The following ARHGEF3 variants were observed in gnomAD, a reference collection of about 807,000 sequenced individuals.
The protein encoded by ARHGEF3 is Rho guanine nucleotide exchange factor 3, also known as 59.8 kDA protein.
Under a neutral mutation model 63.2 loss-of-function variants are expected in ARHGEF3, and 28 were observed. The ratio of observed to expected loss-of-function variants is 0.44; its 90% CI spans 0.33 to 0.61. The LOEUF is 0.61. ARHGEF3 is among the 20% of genes least tolerant of loss of function. The pLI is 0.03. For synonymous variants in ARHGEF3, 266 were observed against 254.2 expected (o/e 1.05, Z -0.44); for missense variants, 533 against 659.3 (o/e 0.81, Z 2.10).
intron 4 of ARHGEF3, among the ~76,000 whole-genome samples, chr3:56,833,064 T>C (rs1468766484): frequency 6.6e-6 from 1 of 152,230 alleles, no homozygotes; most frequent in Non-Finnish European, 1.5e-5. Flanking sequence ...CATGTGCAAA[T>C]ACCTGTTTGA....
rs1271266679 is a variant in ARHGEF3, at chr3:56,737,177, C to G, written c.1041+8G>C. ...GGATAAGACTGCTTAAAGGGAGTAA[C>G]TACTTACCACGCCCCGATTGTTCTT... On this transcript the variant is annotated splice_region_variant and intron_variant, in intron 8 of 9. Coordinates refer to ENST00000296315, the MANE Select transcript of ARHGEF3 (RefSeq NM_019555.3). 4 of 1,611,556 alleles carry G rather than the reference C, an allele frequency of 2.5e-6. No individual in the cohort carries two copies. Among genetic ancestry groups the G allele is most frequent in the Non-Finnish European group, 3.4e-6 (4 of 1,178,512 alleles).
intron 1 of ARHGEF3, chr3:57,060,376 C>T (rs182337477): frequency 4.6e-5 from 7 of 151,930 alleles, no homozygotes; most frequent in East Asian, 1.9e-4. Context: ...TGCTGCTACT[C>T]GGGTTATCAA....
chr3:57,026,934 A>G (rs1326025895), intron 2 of ARHGEF3, among the ~76,000 whole-genome samples: 4 of 152,198 alleles, frequency 2.6e-5, no homozygotes, highest in African/African-American at 9.6e-5. Flanking sequence ...AGCATGCCCG[A>G]AAGAGTGATT....
At chr3:56,858,509 C>T (rs7641104) in intron 4 of ARHGEF3, among the ~76,000 whole-genome samples, 148,685 of 152,292 alleles carry the variant, frequency 0.98, 72,682 homozygotes, top group East Asian at 1. Context: ...TTGACAATGG[C>T]AGTCCCTGTC....
At chr3:57,015,879 G>C (rs1169676490) in intron 2 of ARHGEF3, among the ~76,000 whole-genome samples, 1 of 152,052 alleles carries the variant, frequency 6.6e-6, no homozygotes, top group East Asian at 1.9e-4. Flanking sequence ...TCAGTGGTGA[G>C]ACAAGTCTTG....
Position 57,053,705 on chromosome 3 carries a change from T to C in ARHGEF3, c.-27-18529A>G, listed in dbSNP as rs934126382. 8.3e-4 allele frequency among the ~76,000 whole-genome samples: 126 copies of C among 152,224 alleles called. 1 individual carries two copies. The highest frequency in any genetic ancestry group is 3.7e-4 in the Non-Finnish European group (25 of 68,036). Reference sequence around the variant, plus strand: ...AGGTAACTGCTATCTTGACTTCTAGTGGCATGGATTCATTTGCCTGTGTCT... The same window carrying C: ...AGGTAACTGCTATCTTGACTTCTAGCGGCATGGATTCATTTGCCTGTGTCT... On this transcript the variant is annotated intron_variant, in intron 1 of 12. Coordinates refer to the ARHGEF3 transcript ENST00000338458.
chr3:56,740,359 T>A (rs1031323027), intron 7 of ARHGEF3, among the ~76,000 whole-genome samples: 1 of 152,084 alleles, frequency 6.6e-6, no homozygotes, highest in African/African-American at 2.4e-5. Flanking sequence ...TAATATTAAA[T>A]GTAAATCCTG....
chr3:56,912,520 C>A (rs1173602205), intron 3 of ARHGEF3, among the ~76,000 whole-genome samples: 1 of 152,152 alleles, frequency 6.6e-6, no homozygotes, highest in African/African-American at 2.4e-5. Context: ...GTGACCTAGA[C>A]AAATTATTTA....
chr3:56,954,688 A>G (rs1699963096), intron 3 of ARHGEF3, among the ~76,000 whole-genome samples: 1 of 152,178 alleles, frequency 6.6e-6, no homozygotes, highest in African/African-American at 2.4e-5. Flanking sequence ...CTGTCTCCTT[A>G]GACAAGCATG....
At chr3:56,927,275 T>C (rs753595523) in intron 3 of ARHGEF3, among the ~76,000 whole-genome samples, 14 of 152,158 alleles carry the variant, frequency 9.2e-5, no homozygotes, top group African/African-American at 1.4e-4. Flanking sequence ...TAAGTAACAA[T>C]TGCAGTTTCC....
rs575600692 is a variant in ARHGEF3, at chr3:56,815,151, A to AT, written c.193-41336dup. Among the ~76,000 whole-genome samples, 625 of 151,392 alleles carry AT rather than the reference A, an allele frequency of 4.1e-3. 7 individuals carry two copies. Among genetic ancestry groups the AT allele is most frequent in the African/African-American group, 0.014 (590 of 41,012 alleles). On this transcript the variant is annotated intron_variant, in intron 4 of 12. Coordinates refer to the ARHGEF3 transcript ENST00000338458. ...AGAGCGAGACCCCACCTCTAAAAAA[A>AT]TTAAAAAAAAAAAAAAAAGAAGACA...
At chr3:56,946,584 A>G (rs1005033037) in intron 3 of ARHGEF3, among the ~76,000 whole-genome samples, 1 of 152,344 alleles carries the variant, frequency 6.6e-6, no homozygotes, top group Admixed American at 6.5e-5. Context: ...AGAAAAAAGA[A>G]TAAAAAGAAA....
intron 2 of ARHGEF3, among the ~76,000 whole-genome samples, chr3:56,971,271 G>C (rs1219472466): frequency 6.6e-6 from 1 of 152,114 alleles, no homozygotes; most frequent in African/African-American, 2.4e-5. Context: ...CCATCTCATG[G>C]GGTCTTCTAA....
intron 4 of ARHGEF3, among the ~76,000 whole-genome samples, chr3:56,846,840 T>C (rs534839898): frequency 6.6e-6 from 1 of 152,318 alleles, no homozygotes; most frequent in South Asian, 2.1e-4. Context: ...CCCACAAGGA[T>C]AGACTGCTAT....
chr3:57,039,253 T>C (rs754545440), intron 1 of ARHGEF3, among the ~76,000 whole-genome samples: 14 of 152,278 alleles, frequency 9.2e-5, no homozygotes, highest in Non-Finnish European at 1.8e-4. Context: ...ACTGCGTCCA[T>C]TGGACAGAAG....
At chr3:56,904,616 G>C (rs1479050830) in intron 3 of ARHGEF3, among the ~76,000 whole-genome samples, 1 of 152,146 alleles carries the variant, frequency 6.6e-6, no homozygotes, top group Non-Finnish European at 1.5e-5. Context: ...CTAATGTTTG[G>C]CTGCACAGAA....
At chr3:56,968,630 A>G (rs1402079137) in intron 2 of ARHGEF3, among the ~76,000 whole-genome samples, 1 of 151,228 alleles carries the variant, frequency 6.6e-6, no homozygotes, top group Non-Finnish European at 1.5e-5. Flanking sequence ...TACCCAGCCT[A>G]TTAGTCACAT....
At chr3:56,802,022 T>C (rs2107971840), upstream of ARHGEF3, 1 of 1,423,052 alleles carries the variant, frequency 7.0e-7, no homozygotes, top group Non-Finnish European at 9.1e-7. Flanking sequence ...GGCCGCCGGC[T>C]CGGCACCGCC....
intron 1 of ARHGEF3, among the ~76,000 whole-genome samples, chr3:57,066,576 C>T (rs1334007235): frequency 6.6e-6 from 1 of 152,174 alleles, no homozygotes; most frequent in Non-Finnish European, 1.5e-5. Context: ...TGCCTTTTTC[C>T]TTTCTTCTGA....
Sources: gnomAD v4.1 joint callset for allele counts (sites outside exome capture counted in the v4.1 genomes callset) on GRCh38, gnomAD v4.1.1 for gene constraint, MANE v1.5 for transcripts, NCBI Gene and HGNC (gene_info 2026-07-23, HGNC 2026-07-21) for gene names.